The following CHIC2 variants were observed in gnomAD, a reference collection of about 807,000 sequenced individuals.
CHIC2 encodes the protein cysteine-rich hydrophobic domain-containing protein 2.
Under a neutral mutation model 25.9 loss-of-function variants are expected in CHIC2, and 14 were observed. The observed-to-expected ratio is 0.54, with a 90% CI of 0.36 to 0.85. The LOEUF is 0.85. Ranked by LOEUF, CHIC2 falls within the 40% of genes least tolerant of loss-of-function variation. CHIC2 has a pLI of 0.01. For missense variants in CHIC2, 146 were observed against 202.0 expected (o/e 0.72, Z 1.68); for synonymous variants, 70 against 72.0 (o/e 0.97, Z 0.14).
At chr4:54,039,828 A>T (rs1716508111) in intron 3 of CHIC2, among the ~76,000 whole-genome samples, 1 of 152,254 alleles carries the variant, frequency 6.6e-6, no homozygotes, top group African/African-American at 2.4e-5. Context: ...ACTGTGATAC[A>T]TCCATACAAT....
At chr4:54,058,111 C>T (rs1021864648) in intron 1 of CHIC2, among the ~76,000 whole-genome samples, 1 of 152,154 alleles carries the variant, frequency 6.6e-6, no homozygotes. Context: ...CTGAGCTATG[C>T]TCAGAATCTT....
At chr4:54,032,594 TATA>T (rs1291430060) in intron 3 of CHIC2, among the ~76,000 whole-genome samples, 2 of 152,198 alleles carry the variant, frequency 1.3e-5, no homozygotes, top group Non-Finnish European at 2.9e-5. Context: ...AGGTCAATTT[TATA>T]ATGATAAAGA....
chr4:54,074,639 A>T, the CHIC2 span, among the ~76,000 whole-genome samples: 1 of 148,182 alleles, frequency 6.7e-6, no homozygotes, highest in African/African-American at 2.6e-5. Flanking sequence ...CACTGGCCTT[A>T]CTATGGTGTT....
chr4:54,012,365 G>A (rs1312645499), intron 5 of CHIC2, among the ~76,000 whole-genome samples: 2 of 152,002 alleles, frequency 1.3e-5, no homozygotes, highest in African/African-American at 4.8e-5. Flanking sequence ...AAAATTCAAG[G>A]AAACTTATTT....
the CHIC2 span, among the ~76,000 whole-genome samples, chr4:54,080,174 G>A: frequency 3.3e-5 from 4 of 119,904 alleles, no homozygotes; most frequent in Non-Finnish European, 5.5e-5. Context: ...ATATATATAT[G>A]TGTATATATA....
the CHIC2 span, among the ~76,000 whole-genome samples, chr4:54,076,336 C>T: frequency 6.6e-6 from 1 of 152,030 alleles, no homozygotes; most frequent in South Asian, 2.1e-4. Flanking sequence ...ATGACTTACT[C>T]AGCTCAGATG....
the CHIC2 span, among the ~76,000 whole-genome samples, chr4:54,073,413 C>CT: frequency 6.6e-6 from 1 of 152,234 alleles, no homozygotes; most frequent in Non-Finnish European, 1.5e-5. Context: ...ACTTCCAAAG[C>CT]TAAGTTATAA....
intron 1 of CHIC2, among the ~76,000 whole-genome samples, chr4:54,053,787 G>A (rs779147604): frequency 1.1e-4 from 17 of 151,800 alleles, no homozygotes; most frequent in South Asian, 2.1e-4. Context: ...AATAATTGAC[G>A]AGTATTTTAT....
rs1227349852 is a variant in CHIC2, at chr4:54,024,980, C to G, written c.331-10861G>C. On this transcript the variant is annotated intron_variant, in intron 3 of 5. Transcript: ENST00000263921. ...TCCCACTCTAGGTTCCCACGCCGCC[C>G]CTAATCCCGTTCAAAGCAGCCCTGA... Among the ~76,000 whole-genome samples the G allele has an allele frequency of 2.0e-5, 3 of 152,238 alleles. No individual in the cohort carries two copies. The East Asian group carries it at 5.8e-4, about 29-fold the overall frequency.
chr4:54,014,115 C>A lies in CHIC2; in HGVS notation c.335G>T (p.Arg112Leu). ...TTCTAATAACTTCTCAATCGATCTT[C>A]GTGTCTGGAAGACAAATGAGAAAAA... Reference protein sequence around the residue: ...WPVICLSKRTRRSIEKLLEWE... With the variant: ...WPVICLSKRTLRSIEKLLEWE... The change falls in exon 4 of 6, where the codon CGA (arginine) becomes CTA (leucine). Residue 112 changes from arginine to leucine, a missense_variant. Physicochemically the swap from Arg to Leu is moderately radical, Grantham distance 102. Coordinates refer to ENST00000263921, the MANE Select transcript of CHIC2 (RefSeq NM_012110.4). The A allele has an allele frequency of 6.2e-7, 1 of 1,613,204 alleles. No individual in the cohort carries two copies. Among genetic ancestry groups the A allele is most frequent in the Non-Finnish European group, 8.5e-7 (1 of 1,179,472 alleles).
At chr4:54,053,901 G>T (rs566097719) in intron 1 of CHIC2, among the ~76,000 whole-genome samples, 8 of 151,954 alleles carry the variant, frequency 5.3e-5, no homozygotes, top group African/African-American at 1.9e-4. Context: ...AGCGATTCTC[G>T]TGCCTCAGCT....
chr4:54,050,402 A>C (rs1006212275), intron 1 of CHIC2, among the ~76,000 whole-genome samples: 3 of 152,148 alleles, frequency 2.0e-5, no homozygotes, highest in African/African-American at 4.8e-5. Context: ...AAACCACTCC[A>C]ATCTGTTATC....
chr4:54,046,694 C>G (rs1560393839), intron 3 of CHIC2, among the ~76,000 whole-genome samples: 2 of 152,148 alleles, frequency 1.3e-5, no homozygotes, highest in Non-Finnish European at 2.9e-5. Context: ...ACCATAAAAA[C>G]CCTAGAAGAA....
At chr4:54,075,779 C>G in the CHIC2 span, among the ~76,000 whole-genome samples, 1 of 152,154 alleles carries the variant, frequency 6.6e-6, no homozygotes, top group Admixed American at 6.5e-5. Context: ...GCCTTGAACT[C>G]CTGACCTCAA....
Position 54,064,268 on chromosome 4 carries a change from C to A in CHIC2, c.33G>T (p.Glu11Asp), listed in dbSNP as rs1303282728. 49 of 1,612,732 alleles carry A rather than the reference C, an allele frequency of 3.0e-5. No homozygotes were observed. Among genetic ancestry groups the A allele is most frequent in the Non-Finnish European group, 4.2e-5 (49 of 1,179,404 alleles). MADFDEIYEEEEDEERALEEQ... is the reference protein window; with the variant it reads MADFDEIYEEDEDEERALEEQ... ...CCTCCAGGGCCCGCTCCTCGTCCTC[C>A]TCTTCCTCATAGATTTCGTCGAAAT... is the stretch of plus-strand genomic sequence containing the variant. Residue 11 changes from glutamate (E) to aspartate (D), a missense_variant, in exon 1 of 6, where the codon GAG becomes GAT. Transcript: ENST00000263921. The surrounding 1 kb of genome is among the most constrained non-coding windows in gnomAD (Gnocchi z 4.2).
At chr4:54,074,528 T>G in the CHIC2 span, among the ~76,000 whole-genome samples, 467 of 151,948 alleles carry the variant, frequency 3.1e-3, 4 homozygotes, top group African/African-American at 0.011. Flanking sequence ...AGTACCCAGC[T>G]TCATCTGGGA....
At chr4:54,034,518 A>G (rs1242806414) in intron 3 of CHIC2, among the ~76,000 whole-genome samples, 1 of 151,976 alleles carries the variant, frequency 6.6e-6, no homozygotes, top group Non-Finnish European at 1.5e-5. Flanking sequence ...TGTGTCTTAT[A>G]TATGTTTTTT....
chr4:54,062,703 T>C (rs981316591), intron 1 of CHIC2, among the ~76,000 whole-genome samples: 5 of 152,166 alleles, frequency 3.3e-5, no homozygotes, highest in Non-Finnish European at 5.9e-5. Flanking sequence ...ACATGAGGAA[T>C]GTAGAAGGAG....
At chr4:54,020,803 G>C (rs571793915) in intron 3 of CHIC2, among the ~76,000 whole-genome samples, 4 of 152,104 alleles carry the variant, frequency 2.6e-5, no homozygotes, top group Non-Finnish European at 5.9e-5. Context: ...TCACAGACTC[G>C]GGAAGACAGC....
Sources: gnomAD v4.1 joint callset for allele counts (sites outside exome capture counted in the v4.1 genomes callset) on GRCh38, gnomAD v4.1.1 for gene constraint, Gnocchi (gnomAD v3.1) non-coding constraint, MANE v1.5 for transcripts, NCBI Gene and HGNC (gene_info 2026-07-23, HGNC 2026-07-21) for gene names.